AGAP1: variants seen among roughly 807,000 people sequenced by gnomAD.
AGAP1 encodes ArfGAP with GTPase domain, ankyrin repeat and PH domain 1.
A neutral mutation model predicts 105.3 loss-of-function variants in AGAP1; 29 were observed. The ratio of observed to expected loss-of-function variants is 0.28; its 90% confidence interval spans 0.21 to 0.38. The LOEUF is 0.38. Among genes scored for constraint, AGAP1 ranks in the 10% least tolerant of loss-of-function variants. AGAP1 has a pLI of 1.00. For missense variants in AGAP1, 998 were observed against 1,165.1 expected (o/e 0.86, Z 2.09); for synonymous variants, 509 against 485.9 (o/e 1.05, Z -0.63).
rs955904414 is a variant in AGAP1 at position 235,574,756 on chromosome 2, A to G, written c.163+79907A>G. On this transcript the variant is annotated intron_variant, in intron 1 of 17. Coordinates refer to ENST00000304032, the MANE Select transcript of AGAP1 (RefSeq NM_001037131.3). This position sits in a 1 kb window ranked among gnomAD's most constrained non-coding sequence, Gnocchi z 5.0. ...CACCAGGAGGGAATGAACGAGAAAA[A>G]TAAAAGAAAGAAAATCACACAAGAC... is the stretch of plus-strand genomic sequence containing the variant. Among the ~76,000 whole-genome samples the G allele has an allele frequency of 4.6e-5, 7 of 152,228 alleles. No homozygotes were observed. The highest frequency in any genetic ancestry group is 8.8e-5 in the Non-Finnish European group (6 of 68,046).
intron 1 of AGAP1, among the ~76,000 whole-genome samples, chr2:235,616,945 A>T (rs1332379417): frequency 6.7e-6 from 1 of 148,858 alleles, no homozygotes; most frequent in African/African-American, 2.5e-5. Flanking sequence ...ACAAACGTGC[A>T]TCTTTAAATT....
At chr2:235,818,469 G>A (rs1958587945) in intron 9 of AGAP1, among the ~76,000 whole-genome samples, 4 of 152,164 alleles carry the variant, frequency 2.6e-5, no homozygotes, top group South Asian at 4.1e-4. Flanking sequence ...TTTTGAGACA[G>A]TCTTGCTCTG....
At chr2:235,718,087 TC>T (rs2149549838) in intron 3 of AGAP1, among the ~76,000 whole-genome samples, 1 of 152,262 alleles carries the variant, frequency 6.6e-6, no homozygotes, top group East Asian at 1.9e-4. Flanking sequence ...TGAGTATGTT[TC>T]CCCCCTTATA....
intron 16 of AGAP1, among the ~76,000 whole-genome samples, chr2:236,115,744 C>T (rs184442447): frequency 7.9e-5 from 12 of 152,298 alleles, no homozygotes; most frequent in African/African-American, 2.4e-4. Context: ...TCCTACTGTC[C>T]GAGAAAACAC....
intron 13 of AGAP1, among the ~76,000 whole-genome samples, chr2:236,028,987 C>T (rs937245058): frequency 6.6e-5 from 10 of 152,116 alleles, no homozygotes; most frequent in Non-Finnish European, 1.5e-5. Flanking sequence ...TATTTTCTTG[C>T]AGAGGTTTAC....
At chr2:235,575,245 G>A (rs983508487) in intron 1 of AGAP1, among the ~76,000 whole-genome samples, 4 of 152,128 alleles carry the variant, frequency 2.6e-5, no homozygotes, top group Non-Finnish European at 5.9e-5. Context: ...GATATGATGA[G>A]TGTTTCCAAA....
rs1950468641 is a variant in AGAP1 at position 235,705,021 on chromosome 2, C to T, written c.164-4158C>T. On this transcript the variant is annotated intron_variant, in intron 1 of 17. Transcript: ENST00000304032. This position sits in a 1 kb window ranked among gnomAD's most constrained non-coding sequence, Gnocchi z 4.9. ...TGCGACAGAGTCTCACTCTGTTGCC[C>T]AGGCTGGAGTGCAATGGTGGGATCT... Among the ~76,000 whole-genome samples, 1 of 131,034 alleles carries T rather than the reference C, an allele frequency of 7.6e-6. No individual in the cohort carries two copies. The highest frequency in any genetic ancestry group is 1.6e-5 in the Non-Finnish European group (1 of 64,360). 86.0% of individuals were successfully genotyped at this position (131,034 alleles called of 152,430 possible). A position where few individuals can be genotyped will look rare whatever the true frequency, so the allele number is the denominator to read the frequency against.
intron 6 of AGAP1, among the ~76,000 whole-genome samples, chr2:235,785,796 T>G (rs56009264): frequency 0.26 from 39,286 of 152,154 alleles, 5,427 homozygotes; most frequent in Admixed American, 0.4. Context: ...TCTTCATAGT[T>G]TATCGTATTC....
At position 236,000,159 on chromosome 2, in the gene AGAP1, C is replaced by T. The variant is rs2056054060; in HGVS notation, c.1645+31536C>T. Reference sequence around the variant, plus strand: ...CTTTTGTCTCAACATCACTGGAGAGCTGCATATTACGTTGTTATTTTTGTC... The same window carrying T: ...CTTTTGTCTCAACATCACTGGAGAGTTGCATATTACGTTGTTATTTTTGTC... On this transcript the variant is annotated intron_variant, in intron 13 of 17. Transcript: ENST00000304032. This position sits in a 1 kb window ranked among gnomAD's most constrained non-coding sequence, Gnocchi z 4.3. 6.6e-6 allele frequency among the ~76,000 whole-genome samples: 1 copy of T among 152,158 alleles called. No individual in the cohort carries two copies. Among genetic ancestry groups the T allele is most frequent in the Non-Finnish European group, 1.5e-5 (1 of 68,032 alleles).
intron 1 of AGAP1, among the ~76,000 whole-genome samples, chr2:235,519,338 G>T (rs1027891652): frequency 2.0e-5 from 3 of 152,070 alleles, no homozygotes; most frequent in Non-Finnish European, 2.9e-5. Flanking sequence ...CTCCCGAGTT[G>T]CTGGGGTTAC....
Position 236,096,846 on chromosome 2 carries a change from C to T in AGAP1, c.2115-23346C>T, listed in dbSNP as rs1313737873. 6.6e-6 allele frequency among the ~76,000 whole-genome samples: 1 copy of T among 152,118 alleles called. No individual in the cohort carries two copies. The highest frequency in any genetic ancestry group is 1.5e-5 in the Non-Finnish European group (1 of 68,020). On this transcript the variant is annotated intron_variant, in intron 16 of 17. Transcript: ENST00000304032. This position sits in a 1 kb window ranked among gnomAD's most constrained non-coding sequence, Gnocchi z 4.4. ...TGATTCACCCCGGCCTCCCAAAGTG[C>T]TGGGATTACAGGCGTGAGCCACCCT...
At position 235,967,492 on chromosome 2, in the gene AGAP1, CTG is replaced by C. The variant is rs1428894248; in HGVS notation, c.1484-968_1484-967del. On this transcript the variant is annotated intron_variant, in intron 12 of 17. Coordinates refer to ENST00000304032, the MANE Select transcript of AGAP1 (RefSeq NM_001037131.3). This position sits in a 1 kb window ranked among gnomAD's most constrained non-coding sequence, Gnocchi z 4.7. Reference sequence around the variant, plus strand: ...TCCCCATTGGGGCAGGAATGTTTATCTGTTTCTCCTCGATCAATGATGGCTGC... The same window carrying C: ...TCCCCATTGGGGCAGGAATGTTTATCTTTCTCCTCGATCAATGATGGCTGC... Among the ~76,000 whole-genome samples the C allele has an allele frequency of 6.6e-6, 1 of 152,176 alleles. No homozygotes were observed. The highest frequency in any genetic ancestry group is 1.5e-5 in the Non-Finnish European group (1 of 68,038).
rs1945529229 is a variant in AGAP1, at chr2:235,596,490, A to G, written c.163+101641A>G. Among the ~76,000 whole-genome samples, 1 of 152,094 alleles carries G rather than the reference A, an allele frequency of 6.6e-6. No individual in the cohort carries two copies. Among genetic ancestry groups the G allele is most frequent in the Non-Finnish European group, 1.5e-5 (1 of 68,018 alleles). ...GATTCAGCAAGGCAAGGTGGACCTG[A>G]GAGTCTGTGTTTCTGGTGAGCCACA... On this transcript the variant is annotated intron_variant, in intron 1 of 17. Transcript: ENST00000304032. The surrounding 1 kb of genome is among the most constrained non-coding windows in gnomAD (Gnocchi z 5.9).
Position 235,879,893 on chromosome 2 carries a change from C to T in AGAP1, c.1051-3452C>T, listed in dbSNP as rs919220684. 6.6e-6 allele frequency among the ~76,000 whole-genome samples: 1 copy of T among 152,138 alleles called. No individual in the cohort carries two copies. Among genetic ancestry groups the T allele is most frequent in the Non-Finnish European group, 1.5e-5 (1 of 68,024 alleles). ...AGGTTGCAGTGAGCTGTAATTGCAT[C>T]AGTACACTGCACTCCAACCTGGGCA... On this transcript the variant is annotated intron_variant, in intron 9 of 17. Coordinates refer to ENST00000304032, the MANE Select transcript of AGAP1 (RefSeq NM_001037131.3). This position sits in a 1 kb window ranked among gnomAD's most constrained non-coding sequence, Gnocchi z 5.0.
At chr2:236,037,535 C>A (rs1419127469) in intron 14 of AGAP1, among the ~76,000 whole-genome samples, 2 of 152,098 alleles carry the variant, frequency 1.3e-5, no homozygotes, top group African/African-American at 4.8e-5. Flanking sequence ...GGACTACAGG[C>A]CTGGCTTGCT....
chr2:235,905,789 G>A lies in AGAP1; in HGVS notation c.1156-2949G>A, dbSNP rs530356976. Reference sequence around the variant, plus strand: ...GCTGGGATTACAGGCGTGAGCCACCGCGCCCCGCCTGATGTGCTTTTCATT... The same window carrying A: ...GCTGGGATTACAGGCGTGAGCCACCACGCCCCGCCTGATGTGCTTTTCATT... On this transcript the variant is annotated intron_variant, in intron 10 of 17. Transcript: ENST00000304032. The surrounding 1 kb of genome is among the most constrained non-coding windows in gnomAD (Gnocchi z 4.2). Among the ~76,000 whole-genome samples the A allele has an allele frequency of 3.3e-5, 5 of 152,310 alleles. No individual in the cohort carries two copies. The South Asian group carries it at 1.0e-3, about 32-fold the overall frequency.
chr2:235,839,122 C>T (rs1007889152), intron 9 of AGAP1, among the ~76,000 whole-genome samples: 4 of 152,198 alleles, frequency 2.6e-5, no homozygotes, highest in African/African-American at 9.7e-5. Context: ...ACTGCTCTCC[C>T]CAGGGGCCTG....
Position 235,877,391 on chromosome 2 carries a change from T to C in AGAP1, c.1051-5954T>C, listed in dbSNP as rs2106593154. Among the ~76,000 whole-genome samples, 1 of 152,304 alleles carries C rather than the reference T, an allele frequency of 6.6e-6. No individual in the cohort carries two copies. The highest frequency in any genetic ancestry group is 6.5e-5 in the Admixed American group (1 of 15,302). ...AATGACGGCCATCCGTGCCAGGGGT[T>C]AGGGATGACGGTTGCAGGGCAGGCT... On this transcript the variant is annotated intron_variant, in intron 9 of 17. Transcript: ENST00000304032. This position sits in a 1 kb window ranked among gnomAD's most constrained non-coding sequence, Gnocchi z 4.3.
At chr2:235,540,206 A>G (rs551749446) in intron 1 of AGAP1, among the ~76,000 whole-genome samples, 1 of 140,258 alleles carries the variant, frequency 7.1e-6, no homozygotes, top group Non-Finnish European at 1.5e-5. Flanking sequence ...GCTGGAGTGC[A>G]GTGGTGCAGT....
Sources: gnomAD v4.1 joint callset for allele counts (sites outside exome capture counted in the v4.1 genomes callset) on GRCh38, gnomAD v4.1.1 for gene constraint, Gnocchi (gnomAD v3.1) non-coding constraint, MANE v1.5 for transcripts, NCBI Gene and HGNC (gene_info 2026-07-23, HGNC 2026-07-21) for gene names.